PDE1C: variants seen among roughly 807,000 people sequenced by gnomAD.
PDE1C encodes dual specificity calcium/calmodulin-dependent 3',5'-cyclic nucleotide phosphodiesterase 1C.
A neutral mutation model predicts 93.1 loss-of-function variants in PDE1C; 62 were observed. The ratio of observed to expected loss-of-function variants is 0.67; its 90% CI spans 0.54 to 0.82. The LOEUF (loss-of-function observed/expected upper bound fraction) is 0.82. PDE1C is among the 40% of genes least tolerant of loss of function. PDE1C has a pLI of 0.00. For missense variants in PDE1C, 742 were observed against 884.6 expected, an observed-to-expected ratio of 0.84 and a Z score of 2.04; for synonymous variants, 325 against 310.1, an observed-to-expected ratio of 1.05 and a Z score of -0.50.
At chr7:31,935,014 A>T (rs1804840172) in intron 2 of PDE1C, among the ~76,000 whole-genome samples, 1 of 152,128 alleles carries the variant, frequency 6.6e-6, no homozygotes, top group African/African-American at 2.4e-5. Context: ...CATTTCTAGA[A>T]CATACATGTA....
intron 3 of PDE1C, among the ~76,000 whole-genome samples, chr7:32,097,094 G>T (rs1797794504): frequency 6.6e-6 from 1 of 152,122 alleles, no homozygotes; most frequent in African/African-American, 2.4e-5. Context: ...GGGAGGAGAG[G>T]TTCTCTGCCT....
chr7:32,067,988 T>C (rs189962074), intron 1 of PDE1C, among the ~76,000 whole-genome samples: 39 of 152,276 alleles, frequency 2.6e-4, no homozygotes, highest in Middle Eastern at 3.4e-3. Context: ...ATACGGGCGA[T>C]ACCAACAAGA....
intron 2 of PDE1C, among the ~76,000 whole-genome samples, chr7:31,895,318 T>G (rs1339163266): frequency 6.6e-6 from 1 of 151,884 alleles, no homozygotes; most frequent in Non-Finnish European, 1.5e-5. Flanking sequence ...GACAAGCTGG[T>G]GGGGAGAAAG....
At chr7:31,715,915 T>C in the PDE1C span, among the ~76,000 whole-genome samples, 1 of 152,188 alleles carries the variant, frequency 6.6e-6, no homozygotes, top group Non-Finnish European at 1.5e-5. Context: ...TGCCTACTTG[T>C]GCATAGCCCT....
chr7:32,259,473 C>G (rs1365881697), intron 1 of PDE1C, among the ~76,000 whole-genome samples: 1 of 152,168 alleles, frequency 6.6e-6, no homozygotes, highest in Non-Finnish European at 1.5e-5. Context: ...AATTTGGACT[C>G]TGCCTCCCAC....
intron 3 of PDE1C, among the ~76,000 whole-genome samples, chr7:32,117,295 A>C (rs1282026816): frequency 4.6e-5 from 7 of 152,216 alleles, no homozygotes; most frequent in Admixed American, 4.6e-4. Flanking sequence ...TCCACTAATA[A>C]TAATAACAAC....
At chr7:31,968,904 A>G (rs1295427570) in intron 2 of PDE1C, among the ~76,000 whole-genome samples, 4 of 152,190 alleles carry the variant, frequency 2.6e-5, no homozygotes, top group African/African-American at 4.8e-5. Context: ...TTAATAAATC[A>G]TTCTGGGAAA....
exon 2 of PDE1C, chr7:32,209,498 G>T (rs144714011): frequency 1.9e-6 from 3 of 1,572,122 alleles, no homozygotes; most frequent in East Asian, 4.6e-5. Context: ...CGAGAGAAGC[G>T]GGCCAGTGGT....
intron 1 of PDE1C, among the ~76,000 whole-genome samples, chr7:32,316,763 G>T (rs1318710760): frequency 6.6e-6 from 1 of 152,220 alleles, no homozygotes; most frequent in African/African-American, 2.4e-5. Flanking sequence ...TTGGCAGCAG[G>T]TGGGAGTATT....
chr7:32,121,409 A>C lies in PDE1C; in HGVS notation c.308+48376T>G, dbSNP rs539669435. Among the ~76,000 whole-genome samples the C allele has an allele frequency of 2.6e-5, 4 of 152,260 alleles. No individual in the cohort carries two copies. The South Asian group carries it at 8.3e-4, about 32-fold the overall frequency. On this transcript the variant is annotated intron_variant, in intron 3 of 18. Coordinates refer to the PDE1C transcript ENST00000396193. ...ACCAAGATACTCCATGAGAAGATCAACCCCAAGACACATAATCGTCAGATT... is the reference window on the plus strand; with the variant it reads ...ACCAAGATACTCCATGAGAAGATCACCCCCAAGACACATAATCGTCAGATT...
chr7:32,256,886 C>T (rs1283132589), intron 1 of PDE1C, among the ~76,000 whole-genome samples: 3 of 152,176 alleles, frequency 2.0e-5, no homozygotes, highest in African/African-American at 7.2e-5. Flanking sequence ...ATCCAGTCTC[C>T]TAGTTTCAGC....
At chr7:32,146,087 G>A (rs929967195) in intron 3 of PDE1C, among the ~76,000 whole-genome samples, 1 of 152,176 alleles carries the variant, frequency 6.6e-6, no homozygotes, top group Non-Finnish European at 1.5e-5. Flanking sequence ...TGGATGGACA[G>A]ATGGCTGCCG....
chr7:31,990,430 CCT>C (rs1784018451), intron 2 of PDE1C, among the ~76,000 whole-genome samples: 2 of 152,146 alleles, frequency 1.3e-5, no homozygotes, highest in South Asian at 4.1e-4. Flanking sequence ...GTCCATTAAA[CCT>C]CTTTTTCTTT....
chr7:32,205,997 G>A (rs919765542), intron 2 of PDE1C, among the ~76,000 whole-genome samples: 3 of 152,186 alleles, frequency 2.0e-5, no homozygotes, highest in Non-Finnish European at 4.4e-5. Context: ...GCGAGACCAA[G>A]AACCCACCAG....
chr7:32,022,959 A>T (rs890701061), intron 2 of PDE1C, among the ~76,000 whole-genome samples: 14 of 139,800 alleles, frequency 1.0e-4, no homozygotes, highest in African/African-American at 4.1e-4. Context: ...TTTACCTTCT[A>T]TTTCTTTTTT....
chr7:31,816,174 G>A lies in PDE1C; in HGVS notation c.1583-20C>T, dbSNP rs766514730. The stretch of plus-strand genomic sequence containing the variant: ...TCTCCTCTGCATCCATGGCAAGTTG[G>A]GAAAGCCACAGAAAAGAGAAAAAGA... On this transcript the variant is annotated intron_variant, in intron 14 of 17. Transcript: ENST00000396191. 4.4e-6 allele frequency: 7 copies of A among 1,607,206 alleles called. No individual in the cohort carries two copies. The South Asian group carries it at 7.8e-5, about 18-fold the overall frequency.
chr7:32,204,475 C>T (rs1018425919), intron 2 of PDE1C, among the ~76,000 whole-genome samples: 4 of 152,202 alleles, frequency 2.6e-5, no homozygotes, highest in Admixed American at 2.6e-4. Context: ...CTGTCTCCCT[C>T]GCTCGGGCTC....
At chr7:32,179,363 G>A (rs1562552733) in intron 2 of PDE1C, among the ~76,000 whole-genome samples, 2 of 150,490 alleles carry the variant, frequency 1.3e-5, no homozygotes, top group Admixed American at 6.7e-5. Context: ...AGGTTCAAGC[G>A]ATTTCTCCTG....
At chr7:32,346,783 C>A (rs1783861477) in intron 1 of PDE1C, among the ~76,000 whole-genome samples, 1 of 152,168 alleles carries the variant, frequency 6.6e-6, no homozygotes, top group Non-Finnish European at 1.5e-5. Flanking sequence ...CATGCAATAA[C>A]ATGGATGAAC....
Sources: allele counts gnomAD v4.1 joint callset (sites outside exome capture counted in the v4.1 genomes callset), GRCh38; gene constraint gnomAD v4.1.1; transcripts MANE v1.5; gene names NCBI Gene and HGNC (gene_info 2026-07-23, HGNC 2026-07-21).